The following TEX11 variants were observed in gnomAD, a reference collection of about 807,000 sequenced individuals.
TEX11 encodes testis-expressed protein 11.
In TEX11, 7 loss-of-function variants were observed where a neutral mutation model predicts 84.4. The ratio of observed to expected loss-of-function variants is 0.08; its 90% CI spans 0.05 to 0.16. The LOEUF is 0.16. Ranked by LOEUF, TEX11 falls within the 10% of genes least tolerant of loss-of-function variation. TEX11 has a pLI of 1.00. For missense variants in TEX11, 551 were observed against 660.5 expected (o/e 0.83, Z 1.82); for synonymous variants, 264 against 222.8 (o/e 1.18, Z -1.64).
At chrX:70,572,053 T>C (rs933612858) in intron 25 of TEX11, among the ~76,000 whole-genome samples, 7 of 110,356 alleles carry the variant, frequency 6.3e-5, no homozygotes, top group African/African-American at 2.3e-4. Flanking sequence ...GAAACTACCA[T>C]CTAACAGGCA....
chrX:70,700,735 G>A (rs994595069), intron 13 of TEX11, among the ~76,000 whole-genome samples: 14 of 112,303 alleles, frequency 1.2e-4, no homozygotes, highest in African/African-American at 4.2e-4. Context: ...AAGCTAGGCC[G>A]AAAGCTAGGC....
chrX:70,758,167 T>C (rs182927759), intron 9 of TEX11, among the ~76,000 whole-genome samples: 197 of 111,320 alleles, frequency 1.8e-3, no homozygotes, highest in African/African-American at 6.1e-3. Flanking sequence ...TCCCACACAA[T>C]AATAATGGGA....
the TEX11 span, among the ~76,000 whole-genome samples, chrX:70,519,401 G>C: frequency 8.9e-6 from 1 of 111,850 alleles, no homozygotes; most frequent in East Asian, 2.8e-4. Context: ...TGAAATTCTG[G>C]GTTGAAAATT....
intron 7 of TEX11, among the ~76,000 whole-genome samples, chrX:70,849,757 C>T (rs2091497572): frequency 8.9e-6 from 1 of 112,145 alleles, no homozygotes; most frequent in Non-Finnish European, 1.9e-5. Flanking sequence ...GATGTCATCA[C>T]TTATCAAAGT....
the TEX11 span, among the ~76,000 whole-genome samples, chrX:70,517,952 G>A: frequency 1.8e-5 from 2 of 110,492 alleles, no homozygotes; most frequent in African/African-American, 6.6e-5. Flanking sequence ...GTATTTCTGT[G>A]GGATCGGTGG....
At chrX:70,721,063 T>C (rs963785415) in intron 13 of TEX11, among the ~76,000 whole-genome samples, 1 of 111,474 alleles carries the variant, frequency 9.0e-6, no homozygotes, top group Non-Finnish European at 1.9e-5. Flanking sequence ...CCCTCATTTT[T>C]CTCACCTGCA....
chrX:70,877,424 CTAA>C (rs1208227376), intron 3 of TEX11, among the ~76,000 whole-genome samples: 1 of 111,687 alleles, frequency 9.0e-6, no homozygotes, highest in African/African-American at 3.3e-5. Context: ...TTGTTCACTA[CTAA>C]TAGAAATGTA....
chrX:70,640,869 C>G (rs2089647685), intron 17 of TEX11, among the ~76,000 whole-genome samples: 2 of 109,234 alleles, frequency 1.8e-5, no homozygotes, highest in South Asian at 8.3e-4. Flanking sequence ...AACTAACGGG[C>G]AAAAGAACCA....
At chrX:70,741,185 T>C (rs1402544458) in intron 10 of TEX11, among the ~76,000 whole-genome samples, 1 of 111,289 alleles carries the variant, frequency 9.0e-6, no homozygotes, top group Non-Finnish European at 1.9e-5. Context: ...ATTTATAAGC[T>C]CCCCCAAATG....
chrX:70,884,089 A>G (rs2091696431), intron 2 of TEX11, among the ~76,000 whole-genome samples: 1 of 112,438 alleles, frequency 8.9e-6, no homozygotes, highest in Non-Finnish European at 1.9e-5. Context: ...ACATTTGCAT[A>G]TTGCTTTCCA....
At chrX:70,686,698 A>T (rs1438851707) in intron 13 of TEX11, among the ~76,000 whole-genome samples, 1 of 40,125 alleles carries the variant, frequency 2.5e-5, no homozygotes, top group African/African-American at 5.5e-5. Context: ...ACTTAAAGTA[A>T]AAAAAAAAAA....
At chrX:70,646,332 G>A (rs2089742217) in intron 17 of TEX11, among the ~76,000 whole-genome samples, 1 of 111,932 alleles carries the variant, frequency 8.9e-6, no homozygotes, top group South Asian at 3.7e-4. Context: ...AGAAAACATA[G>A]AGGAAAAGTT....
chrX:70,689,238 CTT>C (rs1272282678), intron 13 of TEX11, among the ~76,000 whole-genome samples: 1 of 110,904 alleles, frequency 9.0e-6, no homozygotes, highest in Non-Finnish European at 1.9e-5. Flanking sequence ...TTACGTTTAA[CTT>C]AATATAGATA....
chrX:70,522,479 T>A, the TEX11 span, among the ~76,000 whole-genome samples: 1 of 112,011 alleles, frequency 8.9e-6, no homozygotes, highest in African/African-American at 3.2e-5. Context: ...ATGTGTGAAT[T>A]ATTTTAAGGA....
downstream of TEX11, among the ~76,000 whole-genome samples, chrX:70,524,690 C>T (rs1372233575): frequency 3.6e-5 from 4 of 112,266 alleles, no homozygotes; most frequent in African/African-American, 6.5e-5. Flanking sequence ...CTCAGCCTCC[C>T]GAGTAGCTGG....
At chrX:70,844,108 T>C (rs535460991) in intron 7 of TEX11, among the ~76,000 whole-genome samples, 2 of 110,417 alleles carry the variant, frequency 1.8e-5, no homozygotes, top group South Asian at 8.0e-4. Flanking sequence ...ATCCCATTAC[T>C]GGGTATATAC....
chrX:70,610,874 G>A (rs2089252971), intron 20 of TEX11, among the ~76,000 whole-genome samples: 1 of 111,365 alleles, frequency 9.0e-6, no homozygotes, highest in African/African-American at 3.3e-5. Flanking sequence ...TTTGAAGGGG[G>A]GAACTAGAAC....
intron 25 of TEX11, among the ~76,000 whole-genome samples, chrX:70,560,231 A>T (rs1176634820): frequency 9.3e-6 from 1 of 107,559 alleles, no homozygotes; most frequent in African/African-American, 3.4e-5. Flanking sequence ...GCTGACCGTG[A>T]CCTCCGCTTC....
chrX:70,523,061 T>A, the TEX11 span, among the ~76,000 whole-genome samples: 1 of 110,880 alleles, frequency 9.0e-6, no homozygotes, highest in Non-Finnish European at 1.9e-5. Flanking sequence ...TTGGGGCACG[T>A]AGTATGTTTT....
Sources: allele counts gnomAD v4.1 joint callset (sites outside exome capture counted in the v4.1 genomes callset), GRCh38; gene constraint gnomAD v4.1.1; transcripts MANE v1.5; gene names NCBI Gene and HGNC (gene_info 2026-07-23, HGNC 2026-07-21).